GPI: variants seen among roughly 807,000 people sequenced by gnomAD.
The protein encoded by GPI is D-hexose-6-phosphate anomerase.
Under a neutral mutation model 75.8 loss-of-function variants are expected in GPI, and 56 were observed. The observed-to-expected ratio is 0.74, with a 90% CI of 0.60 to 0.92. The LOEUF is 0.92. GPI is among the 40% of genes least tolerant of loss of function. GPI has a pLI of 0.00. For synonymous variants in GPI, 288 were observed against 285.4 expected (o/e 1.01, Z -0.09); for missense variants, 638 against 741.0 (o/e 0.86, Z 1.61).
chr19:34,373,509 A>G (rs1296756110), intron 4 of GPI, among the ~76,000 whole-genome samples: 5 of 151,118 alleles, frequency 3.3e-5, no homozygotes, highest in African/African-American at 4.9e-5. Flanking sequence ...GTAAGCTGAG[A>G]TAGCACCACT....
chr19:34,392,861 A>G (rs991720181), intron 9 of GPI: 4 of 323,672 alleles, frequency 1.2e-5, no homozygotes, highest in South Asian at 9.9e-5. Flanking sequence ...TGGCACAGGT[A>G]TGAGGCCTGG....
At chr19:34,383,626 C>T (rs2074688610) in intron 9 of GPI, among the ~76,000 whole-genome samples, 1 of 152,144 alleles carries the variant, frequency 6.6e-6, no homozygotes, top group African/African-American at 2.4e-5. Context: ...AAGTCCAAGT[C>T]TGTGGCATCA....
At chr19:34,379,420 C>G in intron 7 of GPI, 98 bp from the exon 8 acceptor site, 3 of 1,044,336 alleles carry the variant, frequency 2.9e-6, no homozygotes, top group Non-Finnish European at 4.6e-6. Context: ...GACTGGGAAT[C>G]TCAGTCCCAT....
intron 9 of GPI, among the ~76,000 whole-genome samples, chr19:34,390,412 C>T (rs2074804289): frequency 6.6e-6 from 1 of 152,080 alleles, no homozygotes; most frequent in Non-Finnish European, 1.5e-5. Context: ...GGTCCTGGCA[C>T]CGGTAAGGGG....
chr19:34,389,831 A>G (rs1160702521), intron 9 of GPI, among the ~76,000 whole-genome samples: 1 of 152,120 alleles, frequency 6.6e-6, no homozygotes, highest in Non-Finnish European at 1.5e-5. Flanking sequence ...ATTTATTGGC[A>G]TGATTATTTG....
Position 34,400,248 on chromosome 19 carries a change from G to T in GPI, c.*212G>T. ...TCCCTCTGTGTTAGAATTGGCTGAA[G>T]TGTTTTTGTGCAGCTGACTTTTCTG... On this transcript the variant is annotated 3_prime_UTR_variant, in exon 18 of 18. Coordinates refer to ENST00000356487, the MANE Select transcript of GPI (RefSeq NM_000175.5). 1 of 626,468 alleles carries T rather than the reference G, an allele frequency of 1.6e-6. No homozygotes were observed. Among genetic ancestry groups the T allele is most frequent in the Non-Finnish European group, 2.8e-6 (1 of 350,930 alleles). The allele number at this position is 626,468 out of a possible 1,614,324, so 38.8% of individuals were successfully genotyped here.
rs2075002202 is a variant in GPI, at chr19:34,400,148, G to GCTC, written c.*112_*113insCTC. On this transcript the variant is annotated 3_prime_UTR_variant, in exon 18 of 18. Transcript: ENST00000356487. Reference sequence around the variant, plus strand: ...ACCACCCAGAGCACCCTCTGGTTGTGGGCTTGGACCACGAGCCCTTAGCAG... The same window carrying GCTC: ...ACCACCCAGAGCACCCTCTGGTTGTGCTCGGCTTGGACCACGAGCCCTTAGCAG... 1 of 1,193,692 alleles carries GCTC rather than the reference G, an allele frequency of 8.4e-7. No homozygotes were observed. The highest frequency in any genetic ancestry group is 1.5e-5 in the African/African-American group (1 of 67,054). 73.9% of individuals were successfully genotyped at this position (1,193,692 alleles called of 1,614,324 possible). A position where few individuals can be genotyped will look rare whatever the true frequency, so the allele number is the denominator to read the frequency against.
At chr19:34,379,704 G>A in intron 8 of GPI, 142 bp downstream of exon 8, 1 of 795,532 alleles carries the variant, frequency 1.3e-6, no homozygotes, top group Non-Finnish European at 2.3e-6. Flanking sequence ...CCTGTGGGCT[G>A]CAAGCCTTCC....
rs1429999100 is a variant in GPI at position 34,365,235 on chromosome 19, G to A, written c.-32G>A. ...GCCGGCGCTCCTTCCTCCTCGGCTC[G>A]CGTCTCACTCAGTGTACCTTCTAGT... On this transcript the variant is annotated 5_prime_UTR_variant, in exon 1 of 18. Coordinates refer to ENST00000356487, the MANE Select transcript of GPI (RefSeq NM_000175.5). The A allele has an allele frequency of 2.7e-6, 4 of 1,462,404 alleles. No homozygotes were observed. Among genetic ancestry groups the A allele is most frequent in the Non-Finnish European group, 3.6e-6 (4 of 1,101,934 alleles). The allele number at this position is 1,462,404 out of a possible 1,614,324, so 90.6% of individuals were successfully genotyped here.
At chr19:34,370,148 G>C (rs182940975) in intron 4 of GPI, among the ~76,000 whole-genome samples, 1 of 152,186 alleles carries the variant, frequency 6.6e-6, no homozygotes, top group East Asian at 1.9e-4. Flanking sequence ...CTTGTGTGTA[G>C]GGTGGTAGGG....
In GPI at chr19:34,368,643, G is replaced by A. The variant is rs147335501; in HGVS notation, c.343G>A (p.Gly115Ser). ...GTCAAACACACCCATCCTGGTAGAC[G>A]GCAAGGATGTGATGCCAGAGGTCAA... ...NRSNTPILVD[G>S]KDVMPEVNKV... The change falls in exon 4 of 18, where the codon GGC (glycine) becomes AGC (serine). Residue 115 changes from glycine (G) to serine (S), a missense_variant. By Grantham distance (56) the Gly-to-Ser change is moderately conservative. Transcript: ENST00000356487. The A allele has an allele frequency of 3.1e-6, 5 of 1,613,710 alleles. No homozygotes were observed. The highest frequency in any genetic ancestry group is 1.1e-5 in the South Asian group (1 of 91,078).
At chr19:34,399,361 G>A (rs759217569) in intron 15 of GPI, 26 bp downstream of exon 15, 1 of 1,613,918 alleles carries the variant, frequency 6.2e-7, no homozygotes, top group Admixed American at 1.7e-5. Context: ...TTTGGCTTTG[G>A]GGTGCATGCT....
chr19:34,401,153 C>G lies in GPI; in HGVS notation c.*1117C>G, dbSNP rs1230340319. 1.3e-5 allele frequency: 2 copies of G among 152,232 alleles called. No homozygotes were observed. The highest frequency in any genetic ancestry group is 1.3e-4 in the Admixed American group (2 of 15,248). The allele number at this position is 152,232 out of a possible 1,614,324, so 9.4% of individuals were successfully genotyped here. ...CAGTAATCCTCTTGCCTCAGCCTCC[C>G]AAGTAGTTGAGACTACAGGTTGTAC... On this transcript the variant is annotated 3_prime_UTR_variant, in exon 18 of 18. Coordinates refer to ENST00000356487, the MANE Select transcript of GPI (RefSeq NM_000175.5).
upstream of GPI, chr19:34,364,673 C>T (rs934094383): frequency 4.9e-5 from 17 of 346,086 alleles, no homozygotes; most frequent in Non-Finnish European, 8.4e-5. Flanking sequence ...CCACCGCGCC[C>T]GGCCTAGTCA....
rs756159470 is a variant in GPI, at chr19:34,393,933, C to T, written c.929C>T (p.Thr310Met). 1.4e-5 allele frequency: 23 copies of T among 1,613,636 alleles called. 1 individual carries two copies. The highest frequency in any genetic ancestry group is 1.2e-4 in the South Asian group (11 of 91,080). Residue 310 changes from threonine to methionine, a missense_variant, in exon 12 of 18, where the codon ACG (threonine) becomes ATG (methionine). Thr to Met is a moderately conservative substitution (Grantham distance 81). Transcript: ENST00000356487. The surrounding 1 kb of genome is among the most constrained non-coding windows in gnomAD (Gnocchi z 4.4). ...TTTCAGGACCAGCACTTCCGCACGA[C>T]GCCCCTGGAGAAGAACGCCCCCGTC... ...AHWMDQHFRT[T>M]PLEKNAPVLL...
chr19:34,365,369 G>T lies in GPI; in HGVS notation c.103G>T (p.Asp35Tyr). 6.3e-7 allele frequency: 1 copy of T among 1,589,508 alleles called. No homozygotes were observed. Among genetic ancestry groups the T allele is most frequent in the African/African-American group, 1.4e-5 (1 of 72,154 alleles). ...NLRRLFDANK[D>Y]RFNHFSLTLN... ...GCGCCGCCTCTTCGATGCCAACAAG[G>T]ACCGCTTCAACCACTTCAGGTGCGG... The change falls in exon 1 of 18, where the codon GAC becomes TAC. Residue 35 changes from aspartate (D) to tyrosine (Y), a missense_variant. Transcript: ENST00000356487.
At chr19:34,367,191 A>C (rs1409841730) in intron 3 of GPI, 2 of 399,250 alleles carry the variant, frequency 5.0e-6, no homozygotes, top group Non-Finnish European at 9.7e-6. Context: ...AGAATCTTAG[A>C]TCACCAAAGA....
intron 9 of GPI, chr19:34,392,323 C>T (rs12609911): frequency 2.0e-3 from 1 of 502 alleles, no homozygotes; most frequent in Non-Finnish European, 4.5e-3. Context: ...GTGTGAGGAT[C>T]TTCATGTCTC....
chr19:34,366,193 G>A (rs746648159), intron 1 of GPI, 152 bp from the exon 2 acceptor site: 2 of 714,364 alleles, frequency 2.8e-6, no homozygotes, highest in South Asian at 2.9e-5. Flanking sequence ...TGGGCCAGCA[G>A]GTGACAGACA....
Sources: allele counts gnomAD v4.1 joint callset (sites outside exome capture counted in the v4.1 genomes callset), GRCh38; gene constraint gnomAD v4.1.1; non-coding constraint Gnocchi (gnomAD v3.1); transcripts MANE v1.5; gene names NCBI Gene and HGNC (gene_info 2026-07-23, HGNC 2026-07-21).